Variants in VTI1A observed in about 807,000 individuals in gnomAD.
VTI1A encodes the protein vesicle transport through interaction with t-SNAREs homolog 1A.
VTI1A carries 22 observed loss-of-function variants against 34.9 expected under a neutral mutation model. That is an observed-to-expected ratio of 0.63 (90% CI 0.45 to 0.90). The LOEUF is 0.90. VTI1A is among the 40% of genes least tolerant of loss of function. VTI1A has a pLI of 0.00. For synonymous variants in VTI1A, 87 were observed against 97.3 expected (o/e 0.89, Z 0.62); for missense variants, 268 against 275.6 (o/e 0.97, Z 0.20).
intron 5 of VTI1A, among the ~76,000 whole-genome samples, chr10:112,612,410 G>A (rs1308413683): frequency 6.6e-6 from 1 of 152,012 alleles, no homozygotes; most frequent in African/African-American, 2.4e-5. Context: ...GCACCTTTTT[G>A]TTTTGTTTTG....
At chr10:112,696,901 A>G (rs994515539) in intron 7 of VTI1A, among the ~76,000 whole-genome samples, 1 of 152,198 alleles carries the variant, frequency 6.6e-6, no homozygotes, top group South Asian at 2.1e-4. Flanking sequence ...CCTCTGCTAC[A>G]AAGGTGGCTG....
chr10:112,497,525 C>G (rs1180164492), intron 3 of VTI1A, among the ~76,000 whole-genome samples: 1 of 152,130 alleles, frequency 6.6e-6, no homozygotes, highest in Non-Finnish European at 1.5e-5. Flanking sequence ...CACACACGTA[C>G]TCACAGCTCT....
chr10:112,665,360 A>G (rs1847606751), intron 5 of VTI1A, among the ~76,000 whole-genome samples: 2 of 151,910 alleles, frequency 1.3e-5, no homozygotes, highest in South Asian at 2.1e-4. Context: ...TCATTCCGTA[A>G]TAGTAATCAT....
intron 3 of VTI1A, among the ~76,000 whole-genome samples, chr10:112,480,926 G>C (rs1848441692): frequency 6.6e-6 from 1 of 152,192 alleles, no homozygotes; most frequent in African/African-American, 2.4e-5. Context: ...CTATGCAGCA[G>C]AGTTTAGGAA....
chr10:112,731,611 T>C (rs1221542795), intron 7 of VTI1A, among the ~76,000 whole-genome samples: 1 of 151,468 alleles, frequency 6.6e-6, no homozygotes, highest in Admixed American at 6.6e-5. Context: ...ACAGCATACA[T>C]GAGAAGGCAT....
intron 3 of VTI1A, among the ~76,000 whole-genome samples, chr10:112,496,388 G>A (rs1483218249): frequency 6.6e-6 from 1 of 152,002 alleles, no homozygotes; most frequent in Non-Finnish European, 1.5e-5. Context: ...TGGCCAACAT[G>A]GTGAAACTCT....
At chr10:112,774,835 C>CTGT (rs1851911966) in intron 7 of VTI1A, among the ~76,000 whole-genome samples, 1 of 152,122 alleles carries the variant, frequency 6.6e-6, no homozygotes, top group Non-Finnish European at 1.5e-5. Flanking sequence ...ACGGAGAAGC[C>CTGT]CCCCTCCTGA....
intron 5 of VTI1A, among the ~76,000 whole-genome samples, chr10:112,635,496 A>G (rs17129933): frequency 0.076 from 11,616 of 152,200 alleles, 850 homozygotes; most frequent in East Asian, 0.26. Flanking sequence ...AAGGTTCTAA[A>G]TGCTGGCTTA....
intron 7 of VTI1A, among the ~76,000 whole-genome samples, chr10:112,731,459 C>T (rs539855744): frequency 1.3e-5 from 2 of 152,094 alleles, no homozygotes; most frequent in Admixed American, 1.3e-4. Context: ...CCTGTAATCC[C>T]AGCTACTCAG....
At chr10:112,447,530 A>G in intron 1 of VTI1A, 63 bp downstream of exon 1, 1 of 1,553,616 alleles carries the variant, frequency 6.4e-7, no homozygotes. Flanking sequence ...GGGCGGTGGA[A>G]CGCCGCCCGA....
chr10:112,551,685 A>G (rs1851365686), intron 5 of VTI1A, among the ~76,000 whole-genome samples: 1 of 152,194 alleles, frequency 6.6e-6, no homozygotes, highest in African/African-American at 2.4e-5. Flanking sequence ...TAATAAATAC[A>G]ATTAGTGTTT....
chr10:112,832,303 A>T, the VTI1A span: 1 of 152,054 alleles, frequency 6.6e-6, no homozygotes, highest in Non-Finnish European at 1.5e-5. Context: ...TGTGAAAAAG[A>T]CCTCTGACCC....
upstream of VTI1A, chr10:112,447,211 C>A (rs1846861779): frequency 4.7e-6 from 3 of 641,856 alleles, no homozygotes; most frequent in Non-Finnish European, 5.1e-6. Context: ...ACCGAGATTG[C>A]GACGAACAAC....
At chr10:112,482,307 C>T (rs547322431) in intron 3 of VTI1A, among the ~76,000 whole-genome samples, 69 of 152,144 alleles carry the variant, frequency 4.5e-4, no homozygotes, top group African/African-American at 1.6e-3. Context: ...AAAATGTTTT[C>T]ATCATATAAA....
At chr10:112,457,110 G>A (rs955893136) in intron 1 of VTI1A, among the ~76,000 whole-genome samples, 2 of 152,208 alleles carry the variant, frequency 1.3e-5, no homozygotes, top group African/African-American at 2.4e-5. Context: ...CAGTCTGTCT[G>A]TAGACTGCAT....
At chr10:112,675,706 A>C (rs1848000896) in intron 7 of VTI1A, among the ~76,000 whole-genome samples, 1 of 152,178 alleles carries the variant, frequency 6.6e-6, no homozygotes, top group Non-Finnish European at 1.5e-5. Context: ...TTCTATATCT[A>C]ACTTTGTCAT....
At chr10:112,835,703 A>G in the VTI1A span, among the ~76,000 whole-genome samples, 1 of 152,222 alleles carries the variant, frequency 6.6e-6, no homozygotes. Context: ...AAAAATCAAA[A>G]TAAGCCTTAA....
intron 5 of VTI1A, among the ~76,000 whole-genome samples, chr10:112,572,385 G>A (rs1188026219): frequency 1.3e-5 from 2 of 152,148 alleles, no homozygotes; most frequent in Non-Finnish European, 2.9e-5. Flanking sequence ...TGCTTTTACA[G>A]TTCTTTGGTA....
intron 7 of VTI1A, among the ~76,000 whole-genome samples, chr10:112,772,233 A>G (rs1851832631): frequency 6.6e-6 from 1 of 152,178 alleles, no homozygotes; most frequent in Non-Finnish European, 1.5e-5. Context: ...AGACTTTTCA[A>G]TTCTAGCCAT....
Sources: gnomAD v4.1 joint callset for allele counts (sites outside exome capture counted in the v4.1 genomes callset) on GRCh38, gnomAD v4.1.1 for gene constraint, MANE v1.5 for transcripts, NCBI Gene and HGNC (gene_info 2026-07-23, HGNC 2026-07-21) for gene names.